The following SULF1 variants were observed in gnomAD, a reference collection of about 807,000 sequenced individuals.
SULF1 encodes the protein extracellular sulfatase Sulf-1.
Under a neutral mutation model 110.5 loss-of-function variants are expected in SULF1, and 46 were observed. That is an observed-to-expected ratio of 0.42 (90% CI 0.33 to 0.53). The LOEUF (loss-of-function observed/expected upper bound fraction) is 0.53. Among genes scored for constraint, SULF1 ranks in the 20% least tolerant of loss-of-function variants. The pLI, the probability that SULF1 is intolerant of heterozygous loss-of-function variation, is 0.12. For synonymous variants in SULF1, 371 were observed against 387.1 expected (o/e 0.96, Z 0.49); for missense variants, 941 against 1,094.2 (o/e 0.86, Z 1.98).
At chr8:69,476,597 A>G (rs1440568912) in intron 1 of SULF1, among the ~76,000 whole-genome samples, 2 of 152,194 alleles carry the variant, frequency 1.3e-5, no homozygotes, top group Non-Finnish European at 2.9e-5. Flanking sequence ...TCGTTCCTCA[A>G]AAGAGACTTG....
At chr8:69,539,959 G>C (rs1024186570) in intron 3 of SULF1, among the ~76,000 whole-genome samples, 16 of 152,152 alleles carry the variant, frequency 1.1e-4, no homozygotes, top group Admixed American at 2.6e-4. Context: ...GTGAATTTAA[G>C]GGTAATTTCA....
intron 13 of SULF1, among the ~76,000 whole-genome samples, chr8:69,618,618 C>T (rs1302261919): frequency 1.4e-4 from 21 of 152,148 alleles, no homozygotes; most frequent in Admixed American, 1.4e-3. Context: ...TCCTGCTTCT[C>T]TGGATGAAGA....
intron 13 of SULF1, among the ~76,000 whole-genome samples, chr8:69,620,665 G>A (rs1395635078): frequency 1.3e-5 from 2 of 152,178 alleles, no homozygotes; most frequent in Non-Finnish European, 2.9e-5. Flanking sequence ...AGAGCAAGAG[G>A]GGTCTGGTGA....
intron 8 of SULF1, among the ~76,000 whole-genome samples, chr8:69,590,282 C>G (rs753823242): frequency 2.6e-5 from 4 of 152,120 alleles, no homozygotes; most frequent in Non-Finnish European, 5.9e-5. Context: ...CCACCTCAGG[C>G]TTCTGAGGAG....
At chr8:69,512,139 A>C (rs1811607559) in intron 3 of SULF1, among the ~76,000 whole-genome samples, 1 of 152,232 alleles carries the variant, frequency 6.6e-6, no homozygotes, top group Non-Finnish European at 1.5e-5. Flanking sequence ...AATTCAAGTC[A>C]CATATCAAAT....
chr8:69,534,299 T>C (rs1467141969), intron 3 of SULF1, among the ~76,000 whole-genome samples: 1 of 152,218 alleles, frequency 6.6e-6, no homozygotes, highest in East Asian at 1.9e-4. Flanking sequence ...TAATATAATA[T>C]TACATCTTTA....
intron 22 of SULF1, among the ~76,000 whole-genome samples, chr8:69,647,978 T>G (rs976442739): frequency 4.0e-5 from 6 of 151,522 alleles, no homozygotes; most frequent in Non-Finnish European, 8.9e-5. Context: ...ATTTACAATT[T>G]GCTTTTGGAT....
intron 13 of SULF1, among the ~76,000 whole-genome samples, chr8:69,611,941 C>T (rs1325772567): frequency 6.6e-6 from 1 of 152,058 alleles, no homozygotes; most frequent in African/African-American, 2.4e-5. Flanking sequence ...TTTTAGTGCA[C>T]CCATCACCCA....
At chr8:69,608,691 A>C (rs879363023) in intron 13 of SULF1, among the ~76,000 whole-genome samples, 1 of 152,188 alleles carries the variant, frequency 6.6e-6, no homozygotes, top group Non-Finnish European at 1.5e-5. Context: ...ATCTCAAAAT[A>C]AATAAATAAA....
intron 1 of SULF1, among the ~76,000 whole-genome samples, chr8:69,482,916 G>T (rs1809565365): frequency 6.6e-6 from 1 of 151,936 alleles, no homozygotes; most frequent in African/African-American, 2.4e-5. Context: ...CACCTCAGTG[G>T]ATTAAACCAA....
chr8:69,597,825 T>A (rs557423949), intron 8 of SULF1, among the ~76,000 whole-genome samples: 25 of 152,344 alleles, frequency 1.6e-4, no homozygotes, highest in Non-Finnish European at 3.5e-4. Context: ...AGAAACCCTG[T>A]GTAATCTGTT....
chr8:69,576,012 A>G lies in SULF1; in HGVS notation c.215A>G (p.His72Arg), dbSNP rs756215003. ...AACAAAACGAGAAAGATTATGGAAC[A>G]TGGGGGGGCCACCTTCATCAATGCC... ...VMNKTRKIMEHGGATFINAFV... is the reference protein window; with the variant it reads ...VMNKTRKIMERGGATFINAFV... The change falls in exon 6 of 23, where the codon CAT (histidine) becomes CGT (arginine). Residue 72 changes from histidine (H) to arginine (R), a missense_variant. By Grantham distance (29) the His-to-Arg change is conservative (BLOSUM62 0). Coordinates refer to ENST00000402687, the MANE Select transcript of SULF1 (RefSeq NM_001128205.2). 1.9e-6 allele frequency: 3 copies of G among 1,614,120 alleles called. No homozygotes were observed. The highest frequency in any genetic ancestry group is 3.3e-5 in the Admixed American group (2 of 60,020).
At chr8:69,549,348 G>C (rs976094983) in intron 3 of SULF1, among the ~76,000 whole-genome samples, 1 of 152,134 alleles carries the variant, frequency 6.6e-6, no homozygotes, top group African/African-American at 2.4e-5. Context: ...GTTCAAGTAA[G>C]GCAGCATGGA....
At chr8:69,598,337 G>A (rs1396515892) in intron 8 of SULF1, among the ~76,000 whole-genome samples, 1 of 152,178 alleles carries the variant, frequency 6.6e-6, no homozygotes, top group Non-Finnish European at 1.5e-5. Flanking sequence ...TAAGTGCTCT[G>A]TATATATGGT....
At chr8:69,606,107 A>AT (rs1808202637) in intron 13 of SULF1, among the ~76,000 whole-genome samples, 1 of 152,218 alleles carries the variant, frequency 6.6e-6, no homozygotes, top group East Asian at 1.9e-4. Context: ...GGCCTCACTC[A>AT]TTATACGCTT....
chr8:69,488,690 G>C (rs1809797161), upstream of SULF1, among the ~76,000 whole-genome samples: 1 of 151,862 alleles, frequency 6.6e-6, no homozygotes, highest in African/African-American at 2.4e-5. Flanking sequence ...TAGGGATCTG[G>C]GGATGGCCAA....
chr8:69,604,844 A>G lies in SULF1; in HGVS notation c.1289A>G (p.Gln430Arg), dbSNP rs767366122. The change falls in exon 13 of 23, where the codon CAA becomes CGA. Residue 430 changes from glutamine to arginine, a missense_variant. By Grantham distance (43) the Gln-to-Arg change is conservative. Transcript: ENST00000402687. ...RKKEESSKNI[Q>R]QSNHLPKYER... ...AAGGAAGAATCCAGCAAGAATATCC[A>G]ACAGTCAAATCACTTGCCCAAATAT... is the stretch of plus-strand genomic sequence containing the variant. 1.9e-6 allele frequency: 3 copies of G among 1,614,094 alleles called. No homozygotes were observed. In the East Asian group the frequency reaches 6.7e-5, roughly 36 times the overall value.
chr8:69,475,245 A>G (rs1809252392), intron 1 of SULF1, among the ~76,000 whole-genome samples: 1 of 152,102 alleles, frequency 6.6e-6, no homozygotes. Flanking sequence ...CACATCAGGT[A>G]GAGAGGTTGG....
chr8:69,483,158 G>A (rs1406538822), intron 1 of SULF1, among the ~76,000 whole-genome samples: 1 of 152,076 alleles, frequency 6.6e-6, no homozygotes, highest in Non-Finnish European at 1.5e-5. Context: ...TGGGGCTCTG[G>A]AATCAATTCT....
Sources: allele counts gnomAD v4.1 joint callset (sites outside exome capture counted in the v4.1 genomes callset), GRCh38; gene constraint gnomAD v4.1.1; transcripts MANE v1.5; gene names NCBI Gene and HGNC (gene_info 2026-07-23, HGNC 2026-07-21).